Variants in DNAH12 observed in about 807,000 individuals in gnomAD.
The protein encoded by DNAH12 is axonemal beta dynein heavy chain 12.
A neutral mutation model predicts 371.5 loss-of-function variants in DNAH12; 285 were observed. The ratio of observed to expected loss-of-function variants is 0.77; its 90% CI spans 0.70 to 0.85. DNAH12 has a LOEUF of 0.85. Among genes scored for constraint, DNAH12 ranks in the 40% least tolerant of loss-of-function variants. The pLI is 0.00. For missense variants in DNAH12, 3,611 were observed against 3,689.4 expected, an observed-to-expected ratio of 0.98 and a Z score of 0.55; for synonymous variants, 1,200 against 1,213.0, an observed-to-expected ratio of 0.99 and a Z score of 0.22.
chr3:57,447,279 ATTAGTCT>A (rs1277929102), intron 25 of DNAH12, among the ~76,000 whole-genome samples: 5 of 152,248 alleles, frequency 3.3e-5, no homozygotes, highest in African/African-American at 7.2e-5. Context: ...TTTCTCATCA[ATTAGTCT>A]TTAAAGTGCT....
chr3:57,493,683 G>A (rs941221769), intron 11 of DNAH12: 2 of 151,402 alleles, frequency 1.3e-5, no homozygotes, highest in Non-Finnish European at 2.9e-5. Context: ...TGTAAAGGTA[G>A]TGAGTTATCT....
chr3:57,437,511 C>A (rs532454673), intron 29 of DNAH12, among the ~76,000 whole-genome samples: 2 of 152,248 alleles, frequency 1.3e-5, no homozygotes, highest in Admixed American at 1.3e-4. Context: ...GGATGATGAG[C>A]CTTTCCTAGG....
chr3:57,458,657 C>A (rs1024695997), intron 20 of DNAH12, among the ~76,000 whole-genome samples: 1 of 152,118 alleles, frequency 6.6e-6, no homozygotes, highest in Non-Finnish European at 1.5e-5. Context: ...TATTTTCACA[C>A]TTTTAGAAGT....
chr3:57,527,773 G>A (rs967585923), intron 2 of DNAH12, among the ~76,000 whole-genome samples: 11 of 152,100 alleles, frequency 7.2e-5, no homozygotes, highest in African/African-American at 2.2e-4. Flanking sequence ...TATATATTAC[G>A]GTTATTAATC....
rs554949053 is a variant in DNAH12, at chr3:57,436,884, T to C, written c.4655+67A>G. On this transcript the variant is annotated intron_variant, in intron 30 of 73. Transcript: ENST00000495027. Reference sequence around the variant, plus strand: ...ATCAGTTTGCCAAGTCTTTGGTTCATGGATTTTAGTTGTTTTACCAGCTTA... The same window carrying C: ...ATCAGTTTGCCAAGTCTTTGGTTCACGGATTTTAGTTGTTTTACCAGCTTA... 113 of 1,132,866 alleles carry C rather than the reference T, an allele frequency of 1.0e-4. No individual in the cohort carries two copies. The Admixed American group carries it at 2.3e-3, about 23-fold the overall frequency. The allele number at this position is 1,132,866 out of a possible 1,614,324, so 70.2% of individuals were successfully genotyped here. A position where few individuals can be genotyped will look rare whatever the true frequency, so the allele number is the denominator to read the frequency against.
At chr3:57,365,417 G>A (rs1209222530) in intron 57 of DNAH12, among the ~76,000 whole-genome samples, 3 of 152,036 alleles carry the variant, frequency 2.0e-5, no homozygotes, top group Non-Finnish European at 2.9e-5. Flanking sequence ...ATATGAACAC[G>A]TAGACACAGG....
chr3:57,490,573 T>C (rs919970049), intron 11 of DNAH12, among the ~76,000 whole-genome samples: 3 of 152,136 alleles, frequency 2.0e-5, no homozygotes, highest in African/African-American at 7.2e-5. Context: ...CTATCTGCCT[T>C]CCTTCTCACT....
At chr3:57,346,281 C>A (rs1195338184) in intron 60 of DNAH12, among the ~76,000 whole-genome samples, 8 of 151,954 alleles carry the variant, frequency 5.3e-5, no homozygotes, top group African/African-American at 9.7e-5. Context: ...AAATGAATGA[C>A]CACAGTGTTA....
chr3:57,362,190 A>G (rs1050475781), intron 58 of DNAH12, among the ~76,000 whole-genome samples: 1 of 152,216 alleles, frequency 6.6e-6, no homozygotes, highest in South Asian at 2.1e-4. Flanking sequence ...TGCGAAGAAC[A>G]CGAACTCATT....
intron 60 of DNAH12, among the ~76,000 whole-genome samples, chr3:57,345,817 C>T (rs960661921): frequency 3.9e-5 from 6 of 152,122 alleles, no homozygotes; most frequent in African/African-American, 1.2e-4. Context: ...TAAAAATAGA[C>T]TAGTATCTAC....
At chr3:57,358,056 C>T (rs2062840854) in intron 58 of DNAH12, among the ~76,000 whole-genome samples, 1 of 152,182 alleles carries the variant, frequency 6.6e-6, no homozygotes, top group Non-Finnish European at 1.5e-5. Context: ...CCAACTCACT[C>T]TTCTTTCTTT....
At chr3:57,369,263 T>C (rs2063118290) in intron 55 of DNAH12, among the ~76,000 whole-genome samples, 2 of 144,516 alleles carry the variant, frequency 1.4e-5, no homozygotes, top group Admixed American at 1.4e-4. Flanking sequence ...CTGTATTTAA[T>C]TATATATATA....
chr3:57,310,076 C>G (rs1453205451), intron 67 of DNAH12, among the ~76,000 whole-genome samples: 1 of 152,194 alleles, frequency 6.6e-6, no homozygotes, highest in African/African-American at 2.4e-5. Flanking sequence ...TTTCCTCTTT[C>G]TTGTACCAGG....
intron 70 of DNAH12, among the ~76,000 whole-genome samples, chr3:57,298,381 T>C (rs2061277965): frequency 6.6e-6 from 1 of 152,226 alleles, no homozygotes. Flanking sequence ...TGTTGCTATC[T>C]TGCTACCATC....
chr3:57,374,339 A>C (rs2063237627), intron 55 of DNAH12, among the ~76,000 whole-genome samples: 1 of 152,220 alleles, frequency 6.6e-6, no homozygotes, highest in African/African-American at 2.4e-5. Context: ...CATAGTATCT[A>C]TCACAGCATA....
intron 34 of DNAH12, chr3:57,428,230 G>A: frequency 3.4e-6 from 2 of 585,956 alleles, no homozygotes; most frequent in Non-Finnish European, 5.2e-6. Context: ...CGTGGCTGTA[G>A]CTTTAGCCAT....
intron 2 of DNAH12, chr3:57,530,977 T>A (rs1053863523): frequency 1.3e-5 from 2 of 154,700 alleles, no homozygotes; most frequent in Non-Finnish European, 2.9e-5. Flanking sequence ...TTGCTCGACA[T>A]CTGTACTATG....
At position 57,378,290 on chromosome 3, in the gene DNAH12, T is replaced by C. The variant is rs1442516968; in HGVS notation, c.8223+868A>G. On this transcript the variant is annotated intron_variant, in intron 52 of 73. Coordinates refer to ENST00000495027, the MANE Select transcript of DNAH12 (RefSeq NM_001366028.2). ...CAAGATTCCACACATCTGTGGAACA[T>C]GTGGAAATTAGCTGAGCTACCATGA... Among the ~76,000 whole-genome samples, 6 of 152,198 alleles carry C rather than the reference T, an allele frequency of 3.9e-5. No individual in the cohort carries two copies. In the East Asian group the frequency reaches 9.7e-4, roughly 25 times the overall value.
At chr3:57,453,531 G>T in intron 23 of DNAH12, 128 bp from the exon 24 acceptor site, 1 of 812,942 alleles carries the variant, frequency 1.2e-6, no homozygotes, top group Non-Finnish European at 1.7e-6. Context: ...ATGAGTTCAA[G>T]CGTGGTGGCT....
Sources: allele counts gnomAD v4.1 joint callset (sites outside exome capture counted in the v4.1 genomes callset), GRCh38; gene constraint gnomAD v4.1.1; transcripts MANE v1.5; gene names NCBI Gene and HGNC (gene_info 2026-07-23, HGNC 2026-07-21).